CNOT2: variants seen among roughly 807,000 people sequenced by gnomAD.
CNOT2 encodes CC chemokine receptor 4-negative regulator of transcription 2.
CNOT2 carries 7 observed loss-of-function variants against 72.1 expected under a neutral mutation model. The observed-to-expected ratio is 0.10, with a 90% CI of 0.06 to 0.18. CNOT2 has a LOEUF of 0.18. CNOT2 is among the 10% of genes least tolerant of loss of function. The pLI is 1.00. For synonymous variants in CNOT2, 196 were observed against 225.6 expected (o/e 0.87, Z 1.17); for missense variants, 345 against 660.3 (o/e 0.52, Z 5.23).
At chr12:70,328,480 G>A (rs1879422694) in intron 4 of CNOT2, among the ~76,000 whole-genome samples, 1 of 151,902 alleles carries the variant, frequency 6.6e-6, no homozygotes, top group African/African-American at 2.4e-5. Context: ...AGGAAAGGGA[G>A]AGGAATTCGT....
At chr12:70,296,054 T>A (rs1030838364) in intron 2 of CNOT2, among the ~76,000 whole-genome samples, 2 of 152,110 alleles carry the variant, frequency 1.3e-5, no homozygotes. Flanking sequence ...CTTTTCAGAA[T>A]ATTTTCTGAA....
chr12:70,271,331 A>T (rs1044326660), intron 1 of CNOT2, among the ~76,000 whole-genome samples: 2 of 151,474 alleles, frequency 1.3e-5, no homozygotes, highest in Non-Finnish European at 2.9e-5. Flanking sequence ...AATTACTGAC[A>T]AGAGGGATAG....
chr12:70,329,879 A>G (rs1252215258), intron 5 of CNOT2, among the ~76,000 whole-genome samples: 1 of 152,030 alleles, frequency 6.6e-6, no homozygotes, highest in African/African-American at 2.4e-5. Flanking sequence ...TCCTCCCCAG[A>G]TGATTGTGAT....
chr12:70,278,019 A>T (rs757491098), intron 1 of CNOT2, 113 bp from the exon 2 acceptor site: 11 of 484,186 alleles, frequency 2.3e-5, no homozygotes, highest in African/African-American at 3.9e-5. Context: ...ACTAGAGTAT[A>T]GAACAATTAC....
chr12:70,245,807 T>G (rs949185592), intron 1 of CNOT2, among the ~76,000 whole-genome samples: 1 of 152,196 alleles, frequency 6.6e-6, no homozygotes, highest in African/African-American at 2.4e-5. Context: ...CCTTTGTTTT[T>G]GCTTTATAAC....
intron 15 of CNOT2, among the ~76,000 whole-genome samples, chr12:70,347,355 G>A (rs1425018180): frequency 4.6e-5 from 7 of 151,926 alleles, no homozygotes; most frequent in Admixed American, 1.3e-4. Context: ...TCAAAAAGCC[G>A]GGTGCAGTGG....
At chr12:70,288,075 G>T (rs563580696) in intron 2 of CNOT2, among the ~76,000 whole-genome samples, 2 of 148,122 alleles carry the variant, frequency 1.4e-5, no homozygotes, top group Non-Finnish European at 3.0e-5. Flanking sequence ...ATAAATAACA[G>T]GAACATCAAG....
intron 1 of CNOT2, among the ~76,000 whole-genome samples, chr12:70,247,444 C>T (rs1042459761): frequency 6.6e-6 from 1 of 152,162 alleles, no homozygotes; most frequent in African/African-American, 2.4e-5. Context: ...GCATGAGCCA[C>T]CACGCCCGTC....
intron 2 of CNOT2, among the ~76,000 whole-genome samples, chr12:70,282,779 A>G (rs548351795): frequency 3.0e-4 from 45 of 152,228 alleles, no homozygotes; most frequent in African/African-American, 1.0e-3. Context: ...TATGTTTTTC[A>G]GTATATTGAG....
chr12:70,294,088 G>GT (rs1872430646), intron 2 of CNOT2: 1 of 1,279,794 alleles, frequency 7.8e-7, no homozygotes, highest in Admixed American at 2.3e-5. Context: ...GAATCCCATC[G>GT]TTTATCATGT....
At position 70,330,417 on chromosome 12, in the gene CNOT2, A is replaced by G; in HGVS notation, c.517A>G (p.Ile173Val). The G allele has an allele frequency of 6.2e-7, 1 of 1,612,640 alleles. No homozygotes were observed. Among genetic ancestry groups the G allele is most frequent in the Non-Finnish European group, 8.5e-7 (1 of 1,179,066 alleles). The change falls in exon 6 of 16, where the codon ATA (isoleucine) becomes GTA (valine). Residue 173 changes from isoleucine (I) to valine (V), a missense_variant. Physicochemically the swap from Ile to Val is conservative, Grantham distance 29. Coordinates refer to ENST00000229195, the MANE Select transcript of CNOT2 (RefSeq NM_014515.7). ...LGSPNRSSPS[I>V]ICMPKQQPSR... is the part of the protein sequence containing the mutation. Reference sequence around the variant, plus strand: ...TAGCCCCAACAGAAGCTCGCCAAGCATAATATGTATGCCAAAGCAGCAGCC... The same window carrying G: ...TAGCCCCAACAGAAGCTCGCCAAGCGTAATATGTATGCCAAAGCAGCAGCC...
chr12:70,316,732 A>G (rs1877401273), intron 3 of CNOT2, among the ~76,000 whole-genome samples: 1 of 152,110 alleles, frequency 6.6e-6, no homozygotes, highest in South Asian at 2.1e-4. Context: ...GAATCAGCCT[A>G]CGGTTCTTGA....
intron 2 of CNOT2, among the ~76,000 whole-genome samples, chr12:70,280,668 C>A (rs535899922): frequency 2.6e-5 from 4 of 152,230 alleles, no homozygotes; most frequent in East Asian, 3.9e-4. Context: ...TCCTTACAGA[C>A]CTGATTAAAG....
chr12:70,322,242 A>G (rs987501720), intron 4 of CNOT2: 3 of 151,804 alleles, frequency 2.0e-5, no homozygotes, highest in Non-Finnish European at 4.4e-5. Context: ...GACCTGCTGT[A>G]TGTATTTTTG....
intron 5 of CNOT2, 123 bp downstream of exon 5, chr12:70,329,693 A>G (rs1163855866): frequency 1.4e-6 from 1 of 696,124 alleles, no homozygotes. Context: ...ACTGAGGAAG[A>G]AAATACCTAT....
chr12:70,282,705 C>G (rs1415041540), intron 2 of CNOT2, among the ~76,000 whole-genome samples: 1 of 152,092 alleles, frequency 6.6e-6, no homozygotes, highest in Admixed American at 6.5e-5. Context: ...GCCCTCTTCC[C>G]CAGAAGTAAT....
chr12:70,342,061 T>C (rs1403869911), intron 11 of CNOT2, 46 bp from the exon 12 acceptor site: 3 of 1,131,334 alleles, frequency 2.7e-6, no homozygotes, highest in Non-Finnish European at 4.0e-6. Flanking sequence ...AAATTAGAAA[T>C]CTCTTTTTCT....
chr12:70,287,192 G>T (rs1871052853), intron 2 of CNOT2, among the ~76,000 whole-genome samples: 1 of 136,156 alleles, frequency 7.3e-6, no homozygotes, highest in Non-Finnish European at 1.6e-5. Flanking sequence ...TAAAGAAATT[G>T]TTCATAATGC....
intron 1 of CNOT2, among the ~76,000 whole-genome samples, chr12:70,267,248 G>T (rs1959094910): frequency 6.6e-6 from 1 of 151,986 alleles, no homozygotes; most frequent in African/African-American, 2.4e-5. Flanking sequence ...AAATCTCAAG[G>T]TATCATCAGG....
Sources: gnomAD v4.1 joint callset for allele counts (sites outside exome capture counted in the v4.1 genomes callset) on GRCh38, gnomAD v4.1.1 for gene constraint, MANE v1.5 for transcripts, NCBI Gene and HGNC (gene_info 2026-07-23, HGNC 2026-07-21) for gene names.